The following ABCA1 variants were observed in gnomAD, a reference collection of about 807,000 sequenced individuals.
ABCA1 encodes ATP binding cassette subfamily A member 1.
A neutral mutation model predicts 262.5 loss-of-function variants in ABCA1; 133 were observed. That is an observed-to-expected ratio of 0.51 (90% CI 0.44 to 0.59). The LOEUF (loss-of-function observed/expected upper bound fraction) is 0.59, where lower values mean the gene tolerates loss of function less well. ABCA1 is among the 20% of genes least tolerant of loss of function. ABCA1 has a pLI of 0.00. For missense variants in ABCA1, 2,452 were observed against 2,777.5 expected, an observed-to-expected ratio of 0.88 and a Z score of 2.63; for synonymous variants, 1,022 against 1,043.5, an observed-to-expected ratio of 0.98 and a Z score of 0.40.
At chr9:104,894,197 C>T (rs1840009386) in intron 2 of ABCA1, among the ~76,000 whole-genome samples, 1 of 152,156 alleles carries the variant, frequency 6.6e-6, no homozygotes, top group African/African-American at 2.4e-5. Flanking sequence ...CTAGCACTTG[C>T]CAGCCCTGCT....
intron 1 of ABCA1, among the ~76,000 whole-genome samples, chr9:104,920,227 T>C (rs1319595718): frequency 1.3e-5 from 2 of 152,266 alleles, no homozygotes; most frequent in Non-Finnish European, 2.9e-5. Context: ...TATGAGCCCA[T>C]GTGTATTTTT....
At chr9:104,807,544 G>A (rs1191229690) in intron 30 of ABCA1, among the ~76,000 whole-genome samples, 6 of 151,994 alleles carry the variant, frequency 3.9e-5, no homozygotes, top group Admixed American at 3.3e-4. Flanking sequence ...TGCCAGGCAC[G>A]ATGGCTCATG....
intron 5 of ABCA1, among the ~76,000 whole-genome samples, chr9:104,882,080 A>G (rs1170045998): frequency 2.0e-5 from 3 of 148,652 alleles, no homozygotes; most frequent in African/African-American, 7.5e-5. Flanking sequence ...TCTGGTTTAA[A>G]CTCTAGAACT....
At chr9:104,793,119 C>T (rs1829573752) in intron 41 of ABCA1, 52 bp downstream of exon 41, 1 of 1,611,750 alleles carries the variant, frequency 6.2e-7, no homozygotes. Flanking sequence ...CCCTGTGCGC[C>T]TCCTCTGTGA....
intron 11 of ABCA1, among the ~76,000 whole-genome samples, chr9:104,835,210 T>C (rs574323888): frequency 7.4e-5 from 11 of 147,862 alleles, no homozygotes; most frequent in African/African-American, 2.8e-4. Flanking sequence ...ATCATGCCAC[T>C]GCATTTCAGC....
intron 1 of ABCA1, among the ~76,000 whole-genome samples, chr9:104,920,019 AC>A (rs1842056680): frequency 6.6e-6 from 1 of 152,192 alleles, no homozygotes; most frequent in South Asian, 2.1e-4. Context: ...TAATTAAAGG[AC>A]CACCCCTTCT....
At chr9:104,863,515 T>A (rs1836815330) in intron 5 of ABCA1, among the ~76,000 whole-genome samples, 1 of 152,166 alleles carries the variant, frequency 6.6e-6, no homozygotes, top group Non-Finnish European at 1.5e-5. Flanking sequence ...GGACAGGAGT[T>A]AATCCGCGGA....
At chr9:104,792,137 T>C (rs939065197) in intron 42 of ABCA1, 139 bp from the exon 43 acceptor site, 46 of 799,978 alleles carry the variant, frequency 5.8e-5, no homozygotes, top group Non-Finnish European at 9.5e-5. Context: ...GCATATTTGA[T>C]GTGCCAAGAG....
chr9:104,796,179 G>A lies in ABCA1; in HGVS notation c.5256C>T (p.Leu1752=). 3.1e-6 allele frequency: 5 copies of A among 1,614,158 alleles called. No homozygotes were observed. Among genetic ancestry groups the A allele is most frequent in the Non-Finnish European group, 4.2e-6 (5 of 1,180,024 alleles). ...LLLYGWSITP[L]MYPASFVFKI... The stretch of plus-strand genomic sequence containing the variant: ...TGAACACAAAGGAGGCTGGGTACAT[G>A]AGAGGTGTGATTGACCACCTGTTGA... Residue 1752 remains leucine, a synonymous_variant, in exon 39 of 50, where the codon CTC becomes CTT. Transcript: ENST00000374736.
chr9:104,830,555 C>T (rs1324641877), intron 14 of ABCA1, among the ~76,000 whole-genome samples: 1 of 151,824 alleles, frequency 6.6e-6, no homozygotes, highest in African/African-American at 2.4e-5. Flanking sequence ...CCGGGCGTGG[C>T]AGCATGAGCC....
At chr9:104,847,267 ATGGGAACCTGGGG>A (rs1237910054) in intron 7 of ABCA1, among the ~76,000 whole-genome samples, 1 of 152,202 alleles carries the variant, frequency 6.6e-6, no homozygotes, top group East Asian at 1.9e-4. Flanking sequence ...TTCTCCAGTC[ATGGGAACCTGGGG>A]TAGCTATAGA....
At chr9:104,835,231 G>A (rs1425526855) in intron 11 of ABCA1, among the ~76,000 whole-genome samples, 2 of 146,174 alleles carry the variant, frequency 1.4e-5, no homozygotes, top group African/African-American at 2.6e-5. Flanking sequence ...CTGGGTGACA[G>A]AGCAAGACTC....
chr9:104,905,009 T>C (rs1426682901), intron 1 of ABCA1, among the ~76,000 whole-genome samples: 2 of 152,234 alleles, frequency 1.3e-5, no homozygotes, highest in African/African-American at 4.8e-5. Flanking sequence ...TAGTCCCAAG[T>C]AGTTATATTA....
intron 2 of ABCA1, among the ~76,000 whole-genome samples, chr9:104,898,430 C>T (rs1033215770): frequency 2.0e-5 from 3 of 151,884 alleles, no homozygotes; most frequent in Non-Finnish European, 4.4e-5. Flanking sequence ...CGTCTGTAAT[C>T]CCAGCTACTA....
intron 24 of ABCA1, 36 bp from the exon 25 acceptor site, chr9:104,816,381 C>T (rs747024598): frequency 5.0e-6 from 8 of 1,602,650 alleles, no homozygotes; most frequent in Non-Finnish European, 6.8e-6. Context: ...GCTCAATCAA[C>T]TCAGAGGGGC....
Position 104,792,783 on chromosome 9 carries a change from C to T in ABCA1, c.5757+3G>A. 1.2e-6 allele frequency: 2 copies of T among 1,614,114 alleles called. No homozygotes were observed. The highest frequency in any genetic ancestry group is 2.2e-5 in the South Asian group (2 of 91,080). On this transcript the variant is annotated splice_donor_region_variant and intron_variant, in intron 42 of 49. Coordinates refer to ENST00000374736, the MANE Select transcript of ABCA1 (RefSeq NM_005502.4). ...TGAGCTATTGTAACCTGTACTCTCT[C>T]ACCTTCGTCAACTCCTTGATTTCTA...
At chr9:104,868,983 G>T (rs1428760632) in intron 5 of ABCA1, among the ~76,000 whole-genome samples, 2 of 152,068 alleles carry the variant, frequency 1.3e-5, no homozygotes, top group Non-Finnish European at 2.9e-5. Flanking sequence ...GAAGGTGGGA[G>T]GAGGGAGGAG....
chr9:104,860,231 C>G (rs1836245314), intron 6 of ABCA1, among the ~76,000 whole-genome samples: 1 of 152,034 alleles, frequency 6.6e-6, no homozygotes, highest in South Asian at 2.1e-4. Flanking sequence ...ACAGAAACTC[C>G]AAGGACCATC....
chr9:104,866,431 T>C (rs75400479), intron 5 of ABCA1, among the ~76,000 whole-genome samples: 6,686 of 151,880 alleles, frequency 0.044, 426 homozygotes, highest in African/African-American at 0.14. Flanking sequence ...CCAGGAAGCC[T>C]GCCCTGGCCT....
Sources: allele counts gnomAD v4.1 joint callset (sites outside exome capture counted in the v4.1 genomes callset), GRCh38; gene constraint gnomAD v4.1.1; transcripts MANE v1.5; gene names NCBI Gene and HGNC (gene_info 2026-07-23, HGNC 2026-07-21).